Variants in RBFOX1 observed in about 807,000 individuals in gnomAD.
The protein encoded by RBFOX1 is RNA binding protein fox-1 homolog 1.
Under a neutral mutation model 57.7 loss-of-function variants are expected in RBFOX1, and 8 were observed. That is an observed-to-expected ratio of 0.14 (90% CI 0.08 to 0.25). The LOEUF is 0.25. RBFOX1 is among the 10% of genes least tolerant of loss of function. RBFOX1 has a pLI of 1.00. For missense variants in RBFOX1, 611 were observed against 548.5 expected (o/e 1.11, Z -1.14); for synonymous variants, 326 against 222.4 (o/e 1.47, Z -4.15).
At chr16:6,788,419 C>G (rs912365431) in intron 3 of RBFOX1, among the ~76,000 whole-genome samples, 5 of 151,472 alleles carry the variant, frequency 3.3e-5, no homozygotes, top group Non-Finnish European at 7.4e-5. Flanking sequence ...AATAGTCAGC[C>G]TGCTTTGGAC....
intron 1 of RBFOX1, among the ~76,000 whole-genome samples, chr16:5,333,972 A>G (rs1294922770): frequency 6.6e-6 from 1 of 152,232 alleles, no homozygotes; most frequent in African/African-American, 2.4e-5. Context: ...TTAAAGACAG[A>G]GGAAAGGAAC....
At chr16:5,580,600 C>A (rs999863879) in intron 2 of RBFOX1, among the ~76,000 whole-genome samples, 1 of 152,234 alleles carries the variant, frequency 6.6e-6, no homozygotes, top group Admixed American at 6.5e-5. Flanking sequence ...CTTTGTGAGG[C>A]TTCAGCCTTC....
At chr16:7,640,904 T>TAGA (rs1555702672) in intron 11 of RBFOX1, among the ~76,000 whole-genome samples, 7 of 147,172 alleles carry the variant, frequency 4.8e-5, no homozygotes, top group African/African-American at 7.5e-5. Context: ...GGATTTACAT[T>TAGA]AAAAAAAAAA....
chr16:5,869,613 G>T (rs1237573314), intron 4 of RBFOX1, among the ~76,000 whole-genome samples: 2 of 152,096 alleles, frequency 1.3e-5, no homozygotes, highest in Non-Finnish European at 2.9e-5. Flanking sequence ...TGTTGGCCAG[G>T]ATGGTCTCTA....
intron 3 of RBFOX1, among the ~76,000 whole-genome samples, chr16:6,800,263 C>T (rs2085082198): frequency 6.7e-6 from 1 of 148,748 alleles, no homozygotes; most frequent in Non-Finnish European, 1.5e-5. Flanking sequence ...TAGCACTCAG[C>T]ATTGAAAACC....
chr16:5,495,845 G>A (rs1024353679), intron 2 of RBFOX1, among the ~76,000 whole-genome samples: 1 of 152,200 alleles, frequency 6.6e-6, no homozygotes, highest in African/African-American at 2.4e-5. Context: ...CCCATTAAGG[G>A]CTGAGCATGG....
intron 1 of RBFOX1, among the ~76,000 whole-genome samples, chr16:6,273,593 G>A (rs2075468199): frequency 6.6e-6 from 1 of 151,906 alleles, no homozygotes; most frequent in Non-Finnish European, 1.5e-5. Flanking sequence ...TGATCCGCCC[G>A]CCTCGGCCCC....
intron 3 of RBFOX1, among the ~76,000 whole-genome samples, chr16:6,831,645 G>C (rs553240787): frequency 2.0e-5 from 3 of 152,238 alleles, no homozygotes; most frequent in African/African-American, 7.2e-5. Context: ...AGGGTTTTAA[G>C]CATTTTTTTT....
At chr16:7,291,823 T>G (rs566659697) in intron 4 of RBFOX1, among the ~76,000 whole-genome samples, 3 of 150,762 alleles carry the variant, frequency 2.0e-5, no homozygotes, top group African/African-American at 7.3e-5. Context: ...CAATCATTAC[T>G]GCAAATCCTT....
At chr16:6,798,874 G>A (rs932903447) in intron 3 of RBFOX1, among the ~76,000 whole-genome samples, 7 of 152,066 alleles carry the variant, frequency 4.6e-5, no homozygotes, top group African/African-American at 1.7e-4. Flanking sequence ...TTGAACTGAT[G>A]ACTCTTCCTT....
At chr16:7,509,441 T>TGTCTGTGTCTGC (rs1252937988) in intron 4 of RBFOX1, among the ~76,000 whole-genome samples, 10 of 152,064 alleles carry the variant, frequency 6.6e-5, no homozygotes, top group African/African-American at 2.2e-4. Context: ...TCTGTGTCTG[T>TGTCTGTGTCTGC]GTCTGTGTGT....
chr16:6,658,001 G>A (rs1000051658), intron 3 of RBFOX1, among the ~76,000 whole-genome samples: 32 of 151,828 alleles, frequency 2.1e-4, no homozygotes, highest in African/African-American at 7.0e-4. Flanking sequence ...ATATATTTGT[G>A]TACCTCGATT....
intron 2 of RBFOX1, among the ~76,000 whole-genome samples, chr16:5,516,400 C>T (rs1011621991): frequency 1.3e-5 from 2 of 152,152 alleles, no homozygotes; most frequent in Non-Finnish European, 2.9e-5. Context: ...TGTCTCCCAT[C>T]ACCTCTTATA....
intron 1 of RBFOX1, among the ~76,000 whole-genome samples, chr16:5,463,400 G>A (rs1301151380): frequency 1.3e-5 from 2 of 151,996 alleles, no homozygotes; most frequent in African/African-American, 4.8e-5. Context: ...TTACCATTGA[G>A]CTTAGCAATA....
At chr16:5,703,110 C>G (rs758597010) in intron 3 of RBFOX1, among the ~76,000 whole-genome samples, 1 of 152,094 alleles carries the variant, frequency 6.6e-6, no homozygotes, top group Non-Finnish European at 1.5e-5. Context: ...GGTCTTTGCC[C>G]ACATGGCATT....
At chr16:6,539,257 A>G (rs2096778269) in intron 2 of RBFOX1, among the ~76,000 whole-genome samples, 1 of 152,146 alleles carries the variant, frequency 6.6e-6, no homozygotes, top group Non-Finnish European at 1.5e-5. Flanking sequence ...GGTAGTGTGT[A>G]TAAGCATGGG....
At chr16:7,074,488 A>G (rs900291679) in intron 4 of RBFOX1, among the ~76,000 whole-genome samples, 1 of 152,216 alleles carries the variant, frequency 6.6e-6, no homozygotes, top group African/African-American at 2.4e-5. Context: ...GAATACAGAA[A>G]TCTGTTAACT....
intron 2 of RBFOX1, among the ~76,000 whole-genome samples, chr16:6,434,303 T>C (rs2094176732): frequency 1.3e-5 from 2 of 152,116 alleles, no homozygotes; most frequent in Non-Finnish European, 2.9e-5. Context: ...ATGGACGTCT[T>C]TGAGAAAGGC....
intron 7 of RBFOX1, among the ~76,000 whole-genome samples, chr16:7,593,825 G>A (rs1053642518): frequency 2.0e-5 from 3 of 152,140 alleles, no homozygotes; most frequent in Non-Finnish European, 4.4e-5. Context: ...GAACTAATCT[G>A]TAGTGGATTC....
Sources: gnomAD v4.1 joint callset for allele counts (sites outside exome capture counted in the v4.1 genomes callset) on GRCh38, gnomAD v4.1.1 for gene constraint, MANE v1.5 for transcripts, NCBI Gene and HGNC (gene_info 2026-07-23, HGNC 2026-07-21) for gene names.